The following EXOC4 variants were observed in gnomAD, a reference collection of about 807,000 sequenced individuals.
EXOC4 encodes SEC8-like 1.
EXOC4 carries 71 observed loss-of-function variants against 107.2 expected under a neutral mutation model. That is an observed-to-expected ratio of 0.66 (90% CI 0.55 to 0.81). The LOEUF is 0.81. Among genes scored for constraint, EXOC4 ranks in the 30% least tolerant of loss-of-function variants. The pLI, the probability that EXOC4 is intolerant of heterozygous loss-of-function variation, is 0.00. For missense variants in EXOC4, 1,108 were observed against 1,189.6 expected (o/e 0.93, Z 1.01); for synonymous variants, 456 against 441.2 (o/e 1.03, Z -0.42).
At chr7:133,991,193 C>G (rs1794250392) in intron 14 of EXOC4, among the ~76,000 whole-genome samples, 1 of 151,794 alleles carries the variant, frequency 6.6e-6, no homozygotes, top group Non-Finnish European at 1.5e-5. Flanking sequence ...TTTTCATATA[C>G]CTGTTGGCCA....
chr7:133,447,277 C>CTGCT (rs1798241711), intron 7 of EXOC4: 1 of 152,104 alleles, frequency 6.6e-6, no homozygotes, highest in African/African-American at 2.4e-5. Flanking sequence ...TCAAAGACTT[C>CTGCT]TGCTTGCTTT....
intron 14 of EXOC4, among the ~76,000 whole-genome samples, chr7:133,988,705 A>G (rs1010863992): frequency 4.6e-5 from 7 of 152,210 alleles, no homozygotes; most frequent in Non-Finnish European, 8.8e-5. Context: ...AGAGCCATCA[A>G]AGGTGTAGAA....
chr7:133,413,270 G>C (rs1289978218), intron 7 of EXOC4, among the ~76,000 whole-genome samples: 1 of 151,986 alleles, frequency 6.6e-6, no homozygotes, highest in Non-Finnish European at 1.5e-5. Flanking sequence ...GATGAAACTG[G>C]CAATTTGGTC....
rs555828233 is a variant in EXOC4 at position 133,655,848 on chromosome 7, A to G, written c.1514+25707A>G. On this transcript the variant is annotated intron_variant, in intron 10 of 17. Coordinates refer to ENST00000253861, the MANE Select transcript of EXOC4 (RefSeq NM_021807.4). ...TCTCAAATAATGATAAAAGCCGAGT[A>G]TGGTAAATACGTAAACCAGTGACAT... 9.8e-5 allele frequency among the ~76,000 whole-genome samples: 15 copies of G among 152,362 alleles called. No individual in the cohort carries two copies. In the South Asian group the frequency reaches 2.9e-3, roughly 29 times the overall value.
intron 2 of EXOC4, among the ~76,000 whole-genome samples, chr7:133,288,101 A>T (rs2150545059): frequency 6.6e-6 from 1 of 152,364 alleles, no homozygotes; most frequent in East Asian, 1.9e-4. Flanking sequence ...ACATGTGAGG[A>T]CTATCAAAAA....
chr7:133,549,388 A>C (rs1045249107), intron 9 of EXOC4, among the ~76,000 whole-genome samples: 11 of 152,084 alleles, frequency 7.2e-5, no homozygotes, highest in Admixed American at 2.0e-4. Context: ...CAAAATTGTT[A>C]TGTCTCTGTG....
chr7:133,282,951 C>T (rs908380983), intron 2 of EXOC4, among the ~76,000 whole-genome samples: 2 of 152,200 alleles, frequency 1.3e-5, no homozygotes, highest in Admixed American at 1.3e-4. Flanking sequence ...CACCCTGAGC[C>T]CCTGGTAACT....
intron 9 of EXOC4, among the ~76,000 whole-genome samples, chr7:133,623,249 T>C (rs927485638): frequency 2.6e-5 from 4 of 152,184 alleles, no homozygotes; most frequent in Non-Finnish European, 5.9e-5. Context: ...GACAAGACGT[T>C]TACTTGTCTT....
intron 5 of EXOC4, among the ~76,000 whole-genome samples, chr7:133,319,628 T>TA (rs1795066282): frequency 6.6e-6 from 1 of 152,136 alleles, no homozygotes; most frequent in South Asian, 2.1e-4. Context: ...TAGCTGGGAT[T>TA]ACAGGCGTGC....
At chr7:133,817,586 T>C (rs1233884329) in intron 11 of EXOC4, 42 bp downstream of exon 11, 1 of 1,413,306 alleles carries the variant, frequency 7.1e-7, no homozygotes, top group African/African-American at 1.4e-5. Context: ...TCAGCAATTT[T>C]CATTGACTTG....
chr7:133,646,823 A>G (rs1221299294), intron 10 of EXOC4, among the ~76,000 whole-genome samples: 2 of 152,100 alleles, frequency 1.3e-5, no homozygotes, highest in African/African-American at 4.8e-5. Flanking sequence ...CAATCAGGAA[A>G]CCCCTCTATA....
intron 12 of EXOC4, among the ~76,000 whole-genome samples, chr7:133,909,547 A>G (rs1239213705): frequency 6.6e-6 from 1 of 152,186 alleles, no homozygotes; most frequent in Non-Finnish European, 1.5e-5. Context: ...GAGCAAAGAG[A>G]ATGAATACTG....
chr7:133,353,537 T>A (rs1795957634), intron 5 of EXOC4, among the ~76,000 whole-genome samples: 1 of 152,160 alleles, frequency 6.6e-6, no homozygotes, highest in Admixed American at 6.5e-5. Flanking sequence ...ATCCTGTATA[T>A]GATGAGTAAC....
At chr7:133,333,846 C>T (rs1795449036) in intron 5 of EXOC4, among the ~76,000 whole-genome samples, 1 of 152,000 alleles carries the variant, frequency 6.6e-6, no homozygotes, top group Non-Finnish European at 1.5e-5. Context: ...TTTTGTAATC[C>T]CAGTATATAC....
intron 9 of EXOC4, chr7:133,576,603 G>T (rs749177062): frequency 7.8e-7 from 1 of 1,289,732 alleles, no homozygotes; most frequent in African/African-American, 1.5e-5. Flanking sequence ...ATTTCTCAAG[G>T]GGGTAGAGAT....
intron 7 of EXOC4, among the ~76,000 whole-genome samples, chr7:133,447,789 T>C (rs1221213820): frequency 6.6e-6 from 1 of 152,140 alleles, no homozygotes; most frequent in Non-Finnish European, 1.5e-5. Context: ...TTTTTAAGTG[T>C]ACCTAATACA....
At chr7:133,877,502 C>CT (rs1470524625) in intron 11 of EXOC4, among the ~76,000 whole-genome samples, 2 of 152,158 alleles carry the variant, frequency 1.3e-5, no homozygotes, top group Non-Finnish European at 2.9e-5. Context: ...AGCTTTTACT[C>CT]TAAGGCTAAT....
At chr7:133,324,260 A>G (rs566587609) in intron 5 of EXOC4, among the ~76,000 whole-genome samples, 3 of 152,060 alleles carry the variant, frequency 2.0e-5, no homozygotes, top group Admixed American at 2.0e-4. Context: ...TAGCTTTTGA[A>G]TGTGTTTGTT....
intron 10 of EXOC4, among the ~76,000 whole-genome samples, chr7:133,776,701 C>T (rs1382399366): frequency 6.6e-6 from 1 of 152,172 alleles, no homozygotes; most frequent in Non-Finnish European, 1.5e-5. Context: ...CAAGAGCTAA[C>T]ATTTGGCTTA....
Sources: gnomAD v4.1 joint callset for allele counts (sites outside exome capture counted in the v4.1 genomes callset) on GRCh38, gnomAD v4.1.1 for gene constraint, MANE v1.5 for transcripts, NCBI Gene and HGNC (gene_info 2026-07-23, HGNC 2026-07-21) for gene names.